CD109: variants seen among roughly 807,000 people sequenced by gnomAD.
CD109 encodes the protein CD109 molecule.
Under a neutral mutation model 165.8 loss-of-function variants are expected in CD109, and 149 were observed. The ratio of observed to expected loss-of-function variants is 0.90; its 90% confidence interval spans 0.79 to 1.03. CD109 has a LOEUF of 1.03. Ranked by LOEUF, CD109 falls within the 50% of genes least tolerant of loss-of-function variation. CD109 has a pLI of 0.00. For synonymous variants in CD109, 585 were observed against 592.1 expected, an observed-to-expected ratio of 0.99 and a Z score of 0.18; for missense variants, 1,712 against 1,677.8, an observed-to-expected ratio of 1.02 and a Z score of -0.36.
At chr6:73,688,544 G>A in the CD109 span, among the ~76,000 whole-genome samples, 6 of 152,120 alleles carry the variant, frequency 3.9e-5, no homozygotes, top group African/African-American at 1.2e-4. Flanking sequence ...TCTGTGCGAT[G>A]AGAGAGTCTT....
At chr6:73,709,888 A>G (rs1771457898) in intron 2 of CD109, among the ~76,000 whole-genome samples, 1 of 152,226 alleles carries the variant, frequency 6.6e-6, no homozygotes, top group African/African-American at 2.4e-5. Context: ...ACAAAATTCA[A>G]CAGCGCTTCA....
At chr6:73,680,715 C>G in the CD109 span, among the ~76,000 whole-genome samples, 2 of 152,116 alleles carry the variant, frequency 1.3e-5, no homozygotes, top group African/African-American at 2.4e-5. Context: ...GGCATTTGGC[C>G]CAGTCCAGGG....
chr6:73,792,839 A>G, intron 23 of CD109, 37 bp downstream of exon 23: 2 of 1,558,328 alleles, frequency 1.3e-6, no homozygotes, highest in East Asian at 4.5e-5. Flanking sequence ...TTCGTAGAAA[A>G]AAATTTGTTT....
chr6:73,808,970 T>C (rs948443173), intron 26 of CD109, among the ~76,000 whole-genome samples: 1 of 152,074 alleles, frequency 6.6e-6, no homozygotes, highest in Non-Finnish European at 1.5e-5. Context: ...GTAAAAAATA[T>C]TGTATTAACA....
At chr6:73,762,655 C>A in intron 8 of CD109, 86 bp from the exon 9 acceptor site, 1 of 1,110,292 alleles carries the variant, frequency 9.0e-7, no homozygotes, top group Non-Finnish European at 1.3e-6. Flanking sequence ...CCAGAGCTAT[C>A]ATATTGTTGT....
chr6:73,697,709 T>C (rs1770905725), intron 2 of CD109, 137 bp downstream of exon 2: 3 of 637,412 alleles, frequency 4.7e-6, no homozygotes, highest in Non-Finnish European at 7.8e-6. Context: ...TTCTCACTCA[T>C]GTAAAGTCCT....
intron 25 of CD109, among the ~76,000 whole-genome samples, chr6:73,807,755 T>C (rs1775620721): frequency 6.6e-6 from 1 of 152,180 alleles, no homozygotes; most frequent in South Asian, 2.1e-4. Flanking sequence ...AGAGATCAAA[T>C]ATAAGAAATA....
chr6:73,812,562 A>G (rs958669696), intron 29 of CD109, among the ~76,000 whole-genome samples: 1 of 152,134 alleles, frequency 6.6e-6, no homozygotes, highest in African/African-American at 2.4e-5. Flanking sequence ...TAACAAATAC[A>G]TGTTTTACTT....
At chr6:73,726,367 C>G (rs1412022006) in intron 3 of CD109, among the ~76,000 whole-genome samples, 1 of 152,054 alleles carries the variant, frequency 6.6e-6, no homozygotes, top group African/African-American at 2.4e-5. Context: ...AGAAAAACTT[C>G]TTTTGTTCTC....
chr6:73,827,348 T>C lies in CD109; in HGVS notation c.*3715T>C, dbSNP rs1336528184. On this transcript the variant is annotated 3_prime_UTR_variant, in exon 33 of 33. Coordinates refer to ENST00000287097, the MANE Select transcript of CD109 (RefSeq NM_133493.5). ...TAGATGAGTTTCAGAACCTTTTACGTTCTCGGTAGAGGCTTCTGTCGGACA... is the reference window on the plus strand; with the variant it reads ...TAGATGAGTTTCAGAACCTTTTACGCTCTCGGTAGAGGCTTCTGTCGGACA... 1 of 152,172 alleles carries C rather than the reference T, an allele frequency of 6.6e-6. No individual in the cohort carries two copies. The highest frequency in any genetic ancestry group is 1.5e-5 in the Non-Finnish European group (1 of 68,030). The allele number at this position is 152,172 out of a possible 1,614,324, so 9.4% of individuals were successfully genotyped here. A position where few individuals can be genotyped will look rare whatever the true frequency, so the allele number is the denominator to read the frequency against.
At chr6:73,792,541 C>G in intron 22 of CD109, 85 bp from the exon 23 acceptor site, 1 of 1,151,070 alleles carries the variant, frequency 8.7e-7, no homozygotes, top group East Asian at 2.3e-5. Context: ...CAGAGGTCTT[C>G]TGTACTCAGT....
At chr6:73,787,851 G>A (rs569780932) in intron 21 of CD109, among the ~76,000 whole-genome samples, 3 of 152,234 alleles carry the variant, frequency 2.0e-5, no homozygotes, top group East Asian at 1.9e-4. Context: ...TGAGCATAGT[G>A]GATAAACACT....
intron 5 of CD109, among the ~76,000 whole-genome samples, chr6:73,743,459 T>C (rs1229364370): frequency 6.6e-6 from 1 of 152,224 alleles, no homozygotes; most frequent in African/African-American, 2.4e-5. Flanking sequence ...CATCTAACAG[T>C]TATATCTAGT....
chr6:73,781,392 TA>T lies in CD109; in HGVS notation c.1963+74del, dbSNP rs1192454438. 7.3e-6 allele frequency: 9 copies of T among 1,239,608 alleles called. No individual in the cohort carries two copies. In the Admixed American group the frequency reaches 1.1e-4, roughly 15 times the overall value. The allele number at this position is 1,239,608 out of a possible 1,614,324, so 76.8% of individuals were successfully genotyped here. A position where few individuals can be genotyped will look rare whatever the true frequency, so the allele number is the denominator to read the frequency against. ...TCAACATTACTTATATAGGTATGGA[TA>T]TTTTTTAGATGAACATAGAGATTGT... On this transcript the variant is annotated intron_variant, in intron 17 of 32. Coordinates refer to ENST00000287097, the MANE Select transcript of CD109 (RefSeq NM_133493.5).
At chr6:73,713,557 G>T (rs575559892) in intron 2 of CD109, among the ~76,000 whole-genome samples, 58 of 152,152 alleles carry the variant, frequency 3.8e-4, no homozygotes, top group South Asian at 2.7e-3. Context: ...CCTGGCCTGG[G>T]TAGGACTTCT....
chr6:73,802,253 G>GTA (rs201978336), intron 23 of CD109, among the ~76,000 whole-genome samples: 2 of 129,992 alleles, frequency 1.5e-5, no homozygotes, highest in Non-Finnish European at 3.2e-5. Context: ...CTGAGCATGT[G>GTA]TATATGTGTG....
chr6:73,695,680 TTGCGCGCGTG>T (rs1038560054), upstream of CD109: 17 of 153,686 alleles, frequency 1.1e-4, no homozygotes, highest in African/African-American at 3.6e-4. Flanking sequence ...CGCCCCGGTT[TTGCGCGCGTG>T]TGCGTGCGTG....
chr6:73,717,002 C>T (rs1375283135), intron 2 of CD109, among the ~76,000 whole-genome samples: 1 of 152,210 alleles, frequency 6.6e-6, no homozygotes, highest in East Asian at 1.9e-4. Context: ...ATATGTACAT[C>T]CAGATTTCCT....
At chr6:73,803,176 C>T (rs377447979) in intron 23 of CD109, 44 bp from the exon 24 acceptor site, 2 of 1,313,130 alleles carry the variant, frequency 1.5e-6, no homozygotes, top group Non-Finnish European at 2.2e-6. Context: ...TCATCCATTG[C>T]AAGTTAATGA....
Sources: allele counts gnomAD v4.1 joint callset (sites outside exome capture counted in the v4.1 genomes callset), GRCh38; gene constraint gnomAD v4.1.1; transcripts MANE v1.5; gene names NCBI Gene and HGNC (gene_info 2026-07-23, HGNC 2026-07-21).